NUCB2: variants seen among roughly 807,000 people sequenced by gnomAD.
NUCB2 encodes nucleobindin-2.
In NUCB2, 48 loss-of-function variants were observed where a neutral mutation model predicts 57.9. The observed-to-expected ratio is 0.83, with a 90% confidence interval of 0.66 to 1.05. The LOEUF (loss-of-function observed/expected upper bound fraction) is 1.05. NUCB2 is among the 50% of genes least tolerant of loss of function. The pLI is 0.00. For missense variants in NUCB2, 442 were observed against 476.2 expected, an observed-to-expected ratio of 0.93 and a Z score of 0.67; for synonymous variants, 139 against 152.1, an observed-to-expected ratio of 0.91 and a Z score of 0.64.
At chr11:17,335,775 C>T (rs1413268809), downstream of NUCB2, among the ~76,000 whole-genome samples, 1 of 152,234 alleles carries the variant, frequency 6.6e-6, no homozygotes, top group Non-Finnish European at 1.5e-5. Flanking sequence ...GCTGGGATTA[C>T]AGGCGTGAGC....
At chr11:17,345,860 T>C (rs1271445530) in intron 2 of NUCB2, among the ~76,000 whole-genome samples, 1 of 152,188 alleles carries the variant, frequency 6.6e-6, no homozygotes, top group Non-Finnish European at 1.5e-5. Flanking sequence ...AATAAATAAT[T>C]GGATTTTAAT....
At position 17,330,344 on chromosome 11, in the gene NUCB2, T is replaced by C; in HGVS notation, c.1173+47T>C. On this transcript the variant is annotated intron_variant, in intron 12 of 13. Transcript: ENST00000529010. This position sits in a 1 kb window ranked among gnomAD's most constrained non-coding sequence, Gnocchi z 4.3. ...ATGGCATTAAAAAGATTTTAGGTGC[T>C]TTGTTAAAAGCCTGTGTTTTTGTAA... The C allele has an allele frequency of 6.9e-7, 1 of 1,448,380 alleles. No homozygotes were observed. The highest frequency in any genetic ancestry group is 9.5e-7 in the Non-Finnish European group (1 of 1,053,734). 89.7% of individuals were successfully genotyped at this position (1,448,380 alleles called of 1,614,324 possible).
At chr11:17,315,327 T>C (rs1949071957) in intron 10 of NUCB2, 59 bp from the exon 11 acceptor site, 4 of 893,790 alleles carry the variant, frequency 4.5e-6, no homozygotes, top group South Asian at 1.9e-5. Context: ...CAGTTGATAG[T>C]GTCTAAATAA....
At chr11:17,345,632 G>A (rs565167967) in intron 2 of NUCB2, among the ~76,000 whole-genome samples, 7 of 152,284 alleles carry the variant, frequency 4.6e-5, no homozygotes, top group Middle Eastern at 3.4e-3. Context: ...ACTTGAGGCC[G>A]GGAGGCGGAG....
At chr11:17,301,272 CT>C (rs397848120) in intron 4 of NUCB2, among the ~76,000 whole-genome samples, 12,806 of 73,328 alleles carry the variant, frequency 0.17, 401 homozygotes, top group Non-Finnish European at 0.21. Context: ...CGCGCCTGGC[CT>C]TTTTTTTTTT....
chr11:17,340,467 GT>G (rs1443372447), intron 2 of NUCB2, among the ~76,000 whole-genome samples: 1 of 152,140 alleles, frequency 6.6e-6, no homozygotes, highest in East Asian at 1.9e-4. Context: ...TTCTTCTAGG[GT>G]TTTTATGGTT....
At chr11:17,336,671 G>A (rs1951827006), downstream of NUCB2, among the ~76,000 whole-genome samples, 1 of 147,546 alleles carries the variant, frequency 6.8e-6, no homozygotes, top group Admixed American at 6.9e-5. Context: ...GGTGAATGGC[G>A]TGAACCCGGG....
chr11:17,279,164 C>T (rs1942007146), intron 1 of NUCB2, among the ~76,000 whole-genome samples: 1 of 152,132 alleles, frequency 6.6e-6, no homozygotes, highest in Non-Finnish European at 1.5e-5. Context: ...TGCACTCCAG[C>T]CTGGGCAACT....
Position 17,312,071 on chromosome 11 carries a change from T to TA in NUCB2, c.864dup (p.Glu289ArgfsTer8). Reference sequence around the variant, plus strand: ...CCTAAAAATGAAGAGGATGATATGGTAGAAATGGAAGAAGAAAGGCTTAGA... The same window carrying TA: ...CCTAAAAATGAAGAGGATGATATGGTAAGAAATGGAAGAAGAAAGGCTTAGA... On this transcript the variant is annotated frameshift_variant, in exon 10 of 14. Transcript: ENST00000529010. LOFTEE classifies it high-confidence loss of function. 3 of 1,591,286 alleles carry TA rather than the reference T, an allele frequency of 1.9e-6. No individual in the cohort carries two copies. In the South Asian group the frequency reaches 3.4e-5, roughly 18 times the overall value.
chr11:17,345,864 TTTTAA>T (rs1451586727), intron 2 of NUCB2, among the ~76,000 whole-genome samples: 2 of 152,168 alleles, frequency 1.3e-5, no homozygotes, highest in South Asian at 4.1e-4. Context: ...AATAATTGGA[TTTTAA>T]TTTGATAGAG....
chr11:17,349,573 C>G (rs1953048144), exon 3 of NUCB2: 1 of 152,188 alleles, frequency 6.6e-6, no homozygotes, highest in Admixed American at 6.5e-5. Flanking sequence ...TCACACAGAA[C>G]ATTTCCATTT....
chr11:17,277,099 G>C (rs1322678976), intron 1 of NUCB2: 1 of 152,384 alleles, frequency 6.6e-6, no homozygotes, highest in Non-Finnish European at 1.5e-5. Flanking sequence ...GGAGAGGGTA[G>C]GTGCCAAACC....
At chr11:17,326,727 A>C in intron 11 of NUCB2, among the ~76,000 whole-genome samples, 1 of 152,118 alleles carries the variant, frequency 6.6e-6, no homozygotes, top group African/African-American at 2.4e-5. Context: ...TACTTAAGTC[A>C]AGAGAAGTTT....
chr11:17,299,091 T>A (rs1004012222), intron 4 of NUCB2, among the ~76,000 whole-genome samples: 19 of 152,242 alleles, frequency 1.2e-4, no homozygotes, highest in African/African-American at 4.6e-4. Flanking sequence ...GTGATGGTAC[T>A]GCCCTCACTG....
chr11:17,311,974 T>C (rs1235361813), intron 9 of NUCB2, 44 bp downstream of exon 9: 1 of 1,543,026 alleles, frequency 6.5e-7, no homozygotes, highest in East Asian at 2.3e-5. Context: ...TTCTCTCTCT[T>C]TTTTTCCTGT....
chr11:17,283,977 A>G (rs1943172036), intron 2 of NUCB2, among the ~76,000 whole-genome samples: 1 of 151,952 alleles, frequency 6.6e-6, no homozygotes, highest in Non-Finnish European at 1.5e-5. Context: ...TTCTCTTACT[A>G]CTAGTTCTTG....
intron 1 of NUCB2, among the ~76,000 whole-genome samples, chr11:17,279,990 G>A (rs907788104): frequency 2.6e-5 from 4 of 151,744 alleles, no homozygotes; most frequent in African/African-American, 7.3e-5. Flanking sequence ...AAGAGGCCTC[G>A]CCATGTTGTC....
chr11:17,339,481 C>T (rs1004741503), intron 2 of NUCB2, among the ~76,000 whole-genome samples: 1 of 150,932 alleles, frequency 6.6e-6, no homozygotes, highest in African/African-American at 2.4e-5. Context: ...AGGTATATCT[C>T]CTAATGCTAT....
chr11:17,303,284 A>G (rs1205602272), intron 5 of NUCB2, among the ~76,000 whole-genome samples: 1 of 152,202 alleles, frequency 6.6e-6, no homozygotes, highest in African/African-American at 2.4e-5. Context: ...AAGCTTCCAC[A>G]TTCTTGCCAT....
Sources: gnomAD v4.1 joint callset for allele counts (sites outside exome capture counted in the v4.1 genomes callset) on GRCh38, gnomAD v4.1.1 for gene constraint, Gnocchi (gnomAD v3.1) non-coding constraint, MANE v1.5 for transcripts, NCBI Gene and HGNC (gene_info 2026-07-23, HGNC 2026-07-21) for gene names.